The following PCCA variants were observed in gnomAD, a reference collection of about 807,000 sequenced individuals.
The protein encoded by PCCA is propionyl-CoA carboxylase subunit alpha.
A neutral mutation model predicts 101.3 loss-of-function variants in PCCA; 74 were observed. The ratio of observed to expected loss-of-function variants is 0.73; its 90% CI spans 0.61 to 0.89. The LOEUF is 0.89. PCCA is among the 40% of genes least tolerant of loss of function. PCCA has a pLI of 0.00. For missense variants in PCCA, 891 were observed against 907.0 expected (o/e 0.98, Z 0.23); for synonymous variants, 294 against 313.6 (o/e 0.94, Z 0.66).
At chr13:100,403,606 G>A (rs919259444) in intron 19 of PCCA, among the ~76,000 whole-genome samples, 7 of 152,136 alleles carry the variant, frequency 4.6e-5, no homozygotes, top group Non-Finnish European at 8.8e-5. Context: ...CACCCCCATT[G>A]TTGCAGGACT....
In PCCA at chr13:100,189,119, T is replaced by C. The variant is rs1010911938; in HGVS notation, c.469-20213T>C. Among the ~76,000 whole-genome samples, 13 of 152,250 alleles carry C rather than the reference T, an allele frequency of 8.5e-5. No homozygotes were observed. The South Asian group carries it at 2.1e-3, about 24-fold the overall frequency. On this transcript the variant is annotated intron_variant, in intron 6 of 23. Transcript: ENST00000376285. ...CTTCTCATTGTTCAACTCCCACTTA[T>C]GAGTGAAAACATGCGGTGTTTGGTT...
rs1014905752 is a variant in PCCA, at chr13:100,221,645, A to G, written c.600+12182A>G. 2.6e-4 allele frequency among the ~76,000 whole-genome samples: 39 copies of G among 151,532 alleles called. 1 individual carries two copies. The highest frequency in any genetic ancestry group is 6.8e-4 in the African/African-American group (28 of 41,156). Reference sequence around the variant, plus strand: ...ATTCTCATTATCTGCACTAACGACTATTTCTGAATTTGTGACGCCACAGCT... The same window carrying G: ...ATTCTCATTATCTGCACTAACGACTGTTTCTGAATTTGTGACGCCACAGCT... On this transcript the variant is annotated intron_variant, in intron 7 of 23. Coordinates refer to ENST00000376285, the MANE Select transcript of PCCA (RefSeq NM_000282.4).
intron 4 of PCCA, among the ~76,000 whole-genome samples, chr13:100,145,359 G>T (rs1045232669): frequency 6.6e-6 from 1 of 152,164 alleles, no homozygotes; most frequent in African/African-American, 2.4e-5. Flanking sequence ...TACTAGTCGT[G>T]TCCCCTCAGG....
chr13:100,412,635 G>A (rs1213199949), intron 19 of PCCA, among the ~76,000 whole-genome samples: 1 of 152,126 alleles, frequency 6.6e-6, no homozygotes, highest in African/African-American at 2.4e-5. Flanking sequence ...ACAAGTGCAT[G>A]CTTTATTATG....
intron 4 of PCCA, among the ~76,000 whole-genome samples, chr13:100,123,768 T>C (rs2049677353): frequency 6.6e-6 from 1 of 152,184 alleles, no homozygotes; most frequent in East Asian, 1.9e-4. Context: ...GTCTATGGAA[T>C]ACATTTGTTA....
chr13:100,166,381 T>C lies in PCCA; in HGVS notation c.468+9041T>C, dbSNP rs139304209. Among the ~76,000 whole-genome samples the C allele has an allele frequency of 5.3e-4, 80 of 152,266 alleles. 1 individual carries two copies. In the East Asian group the frequency reaches 0.015, roughly 29 times the overall value. On this transcript the variant is annotated intron_variant, in intron 6 of 23. Transcript: ENST00000376285. ...CCAGGCTAGAGTGCAGTGGCACAAC[T>C]TCCGCCTCCTGGGCTCAAGTAATTC...
intron 21 of PCCA, chr13:100,477,400 G>T (rs2083497668): frequency 2.0e-5 from 3 of 152,132 alleles, no homozygotes; most frequent in African/African-American, 7.2e-5. Flanking sequence ...AGTTAGATGT[G>T]GAGTTTCTAA....
chr13:100,434,258 T>G (rs2079770250), intron 20 of PCCA, among the ~76,000 whole-genome samples: 1 of 152,152 alleles, frequency 6.6e-6, no homozygotes, highest in Admixed American at 6.5e-5. Flanking sequence ...CTGATGTCTG[T>G]GACTCATCTC....
chr13:100,141,536 G>A (rs9582373), intron 4 of PCCA, among the ~76,000 whole-genome samples: 8,695 of 152,054 alleles, frequency 0.057, 847 homozygotes, highest in African/African-American at 0.2. Flanking sequence ...TCAGCCTCCC[G>A]AGTAGCTGGG....
chr13:100,297,053 T>A (rs911790852), intron 12 of PCCA, among the ~76,000 whole-genome samples: 1 of 152,212 alleles, frequency 6.6e-6, no homozygotes, highest in African/African-American at 2.4e-5. Flanking sequence ...TCATTTTAGG[T>A]TTGCCTCTTT....
At chr13:100,182,071 A>G (rs984845207) in intron 6 of PCCA, among the ~76,000 whole-genome samples, 7 of 141,080 alleles carry the variant, frequency 5.0e-5, no homozygotes, top group Non-Finnish European at 9.3e-5. Context: ...AAGAACACTT[A>G]GTTACTAATA....
chr13:100,242,462 A>G (rs1444203707), intron 8 of PCCA, among the ~76,000 whole-genome samples: 2 of 152,204 alleles, frequency 1.3e-5, no homozygotes, highest in South Asian at 2.1e-4. Flanking sequence ...TTAATAGCAC[A>G]CTATAAGTAA....
At chr13:100,175,314 C>T (rs2056137750) in intron 6 of PCCA, among the ~76,000 whole-genome samples, 1 of 152,092 alleles carries the variant, frequency 6.6e-6, no homozygotes, top group Non-Finnish European at 1.5e-5. Context: ...TCTTAGGAAA[C>T]TGTTTGAAAG....
intron 18 of PCCA, among the ~76,000 whole-genome samples, chr13:100,348,931 T>TCC (rs1424964462): frequency 8.1e-5 from 6 of 73,896 alleles, no homozygotes; most frequent in East Asian, 3.9e-4. Flanking sequence ...TTTCTTTTCT[T>TCC]TTCTTTCTTT....
At position 100,469,971 on chromosome 13, in the gene PCCA, C is replaced by CA. The variant is rs747896816; in HGVS notation, c.1899+20666_1899+20667insA. ...TCCAAATCTGAATTTTCTCTGGGAA[C>CA]TGATTTTGAAACGTGGTCAAGGTCA... On this transcript the variant is annotated intron_variant, in intron 21 of 23. Transcript: ENST00000376285. Among the ~76,000 whole-genome samples the CA allele has an allele frequency of 1.4e-3, 212 of 152,278 alleles. 2 individuals carry two copies. The highest frequency in any genetic ancestry group is 2.6e-3 in the Non-Finnish European group (180 of 68,028).
At chr13:100,243,514 A>G (rs954427880) in intron 8 of PCCA, among the ~76,000 whole-genome samples, 1 of 152,230 alleles carries the variant, frequency 6.6e-6, no homozygotes, top group African/African-American at 2.4e-5. Context: ...TTGAAACAAA[A>G]TGATCTAGGA....
At chr13:100,359,591 A>G (rs2074340440) in intron 18 of PCCA, among the ~76,000 whole-genome samples, 1 of 152,252 alleles carries the variant, frequency 6.6e-6, no homozygotes, top group Non-Finnish European at 1.5e-5. Context: ...AAATAGGCAA[A>G]GCAGACACCG....
At chr13:100,178,263 T>G (rs2056426608) in intron 6 of PCCA, among the ~76,000 whole-genome samples, 1 of 152,244 alleles carries the variant, frequency 6.6e-6, no homozygotes. Context: ...ATCTAATAGT[T>G]TTAGATACAT....
intron 19 of PCCA, among the ~76,000 whole-genome samples, chr13:100,401,546 GT>G (rs1241095159): frequency 6.6e-6 from 1 of 150,944 alleles, no homozygotes; most frequent in African/African-American, 2.5e-5. Context: ...CCAGCCAACT[GT>G]TTTTTTGTGT....
Sources: gnomAD v4.1 joint callset for allele counts (sites outside exome capture counted in the v4.1 genomes callset) on GRCh38, gnomAD v4.1.1 for gene constraint, MANE v1.5 for transcripts, NCBI Gene and HGNC (gene_info 2026-07-23, HGNC 2026-07-21) for gene names.